The following FABP7 variants were observed in gnomAD, a reference collection of about 807,000 sequenced individuals.
FABP7 encodes fatty acid-binding protein, brain.
In FABP7, 13 loss-of-function variants were observed where a neutral mutation model predicts 14.2. The ratio of observed to expected loss-of-function variants is 0.91; its 90% CI spans 0.59 to 1.45. FABP7 has a LOEUF of 1.45. Among genes scored for constraint, FABP7 ranks in the 40% most tolerant of loss-of-function variants. FABP7 has a pLI of 0.00. For missense variants in FABP7, 149 were observed against 157.6 expected, an observed-to-expected ratio of 0.95 and a Z score of 0.29; for synonymous variants, 49 against 51.4, an observed-to-expected ratio of 0.95 and a Z score of 0.20.
chr6:122,753,805 G>A, the FABP7 span, among the ~76,000 whole-genome samples: 9 of 65,300 alleles, frequency 1.4e-4, no homozygotes, highest in African/African-American at 5.7e-4. Context: ...GCCCACAGAA[G>A]TTTTCCATTG....
the FABP7 span, among the ~76,000 whole-genome samples, chr6:122,751,502 C>T: frequency 6.6e-6 from 1 of 152,238 alleles, no homozygotes; most frequent in African/African-American, 2.4e-5. Context: ...CACATAGTTA[C>T]TACCACATCC....
At chr6:122,777,596 T>A (rs1275196544), upstream of FABP7, among the ~76,000 whole-genome samples, 2 of 152,254 alleles carry the variant, frequency 1.3e-5, no homozygotes, top group East Asian at 3.9e-4. Flanking sequence ...AGGCAAGAAT[T>A]AGGCCATTCA....
chr6:122,765,178 T>C, the FABP7 span, among the ~76,000 whole-genome samples: 6 of 152,272 alleles, frequency 3.9e-5, no homozygotes, highest in South Asian at 4.1e-4. Flanking sequence ...GAAAAGACTA[T>C]GGGCAATCAT....
chr6:122,766,752 T>C, the FABP7 span, among the ~76,000 whole-genome samples: 9 of 152,196 alleles, frequency 5.9e-5, no homozygotes, highest in East Asian at 1.9e-4. Context: ...ATACACAGTA[T>C]GGTAGCTTAT....
chr6:122,775,521 T>C (rs1780656829), upstream of FABP7, among the ~76,000 whole-genome samples: 1 of 152,040 alleles, frequency 6.6e-6, no homozygotes, highest in South Asian at 2.1e-4. Context: ...TTAAAATGAA[T>C]CATAGACTTA....
At chr6:122,758,084 T>G in the FABP7 span, among the ~76,000 whole-genome samples, 2 of 150,948 alleles carry the variant, frequency 1.3e-5, no homozygotes, top group African/African-American at 4.9e-5. Flanking sequence ...ATTAAGTAAA[T>G]TTGTGAATTA....
At chr6:122,770,241 T>C in the FABP7 span, among the ~76,000 whole-genome samples, 1 of 152,134 alleles carries the variant, frequency 6.6e-6, no homozygotes, top group Non-Finnish European at 1.5e-5. Context: ...GATTAAACTT[T>C]GGGGATCTTG....
the FABP7 span, among the ~76,000 whole-genome samples, chr6:122,762,675 T>C: frequency 5.3e-5 from 8 of 152,214 alleles, no homozygotes; most frequent in Admixed American, 3.9e-4. Flanking sequence ...CTTAAGCTGA[T>C]AAGCAACTTT....
At chr6:122,769,073 T>C in the FABP7 span, among the ~76,000 whole-genome samples, 1 of 152,118 alleles carries the variant, frequency 6.6e-6, no homozygotes. Context: ...CACATCTACC[T>C]GTCATAGTTC....
chr6:122,753,135 A>G, the FABP7 span, among the ~76,000 whole-genome samples: 1 of 152,166 alleles, frequency 6.6e-6, no homozygotes, highest in Non-Finnish European at 1.5e-5. Flanking sequence ...CTCTTCAAAA[A>G]CAAGATCTGT....
At chr6:122,767,431 T>C in the FABP7 span, among the ~76,000 whole-genome samples, 1 of 152,072 alleles carries the variant, frequency 6.6e-6, no homozygotes, top group Non-Finnish European at 1.5e-5. Context: ...TTCAGAGAAA[T>C]ATATTAAAAT....
intron 2 of FABP7, 129 bp downstream of exon 2, chr6:122,780,592 T>C: frequency 1.0e-6 from 1 of 999,512 alleles, no homozygotes; most frequent in Non-Finnish European, 1.5e-6. Context: ...CAAGGAGAAA[T>C]ACACCAAAGT....
At chr6:122,754,931 C>CT in the FABP7 span, among the ~76,000 whole-genome samples, 8 of 152,104 alleles carry the variant, frequency 5.3e-5, no homozygotes, top group Non-Finnish European at 1.2e-4. Context: ...ACTCACCAAC[C>CT]TTTCTACTGG....
At chr6:122,777,386 A>C (rs1051484715), upstream of FABP7, among the ~76,000 whole-genome samples, 2 of 152,122 alleles carry the variant, frequency 1.3e-5, no homozygotes, top group African/African-American at 2.4e-5. Flanking sequence ...CCTTTTGGCC[A>C]AGGGATGCCC....
chr6:122,755,914 A>C, the FABP7 span, among the ~76,000 whole-genome samples: 1 of 152,130 alleles, frequency 6.6e-6, no homozygotes, highest in Non-Finnish European at 1.5e-5. Flanking sequence ...TAAAGACATC[A>C]AGGAGGATGC....
chr6:122,779,135 A>T (rs189437259), upstream of FABP7, among the ~76,000 whole-genome samples: 1 of 152,114 alleles, frequency 6.6e-6, no homozygotes, highest in African/African-American at 2.4e-5. Context: ...CAAGCAGTAT[A>T]TCCAGGGAAG....
chr6:122,781,398 C>T, intron 3 of FABP7: 1 of 1,417,532 alleles, frequency 7.1e-7, no homozygotes. Context: ...AGCTCAACTT[C>T]TTTGATTGTA....
At chr6:122,773,762 CCTT>C in the FABP7 span, among the ~76,000 whole-genome samples, 1 of 152,150 alleles carries the variant, frequency 6.6e-6, no homozygotes, top group South Asian at 2.1e-4. Flanking sequence ...TTTATTAACA[CCTT>C]CTATTTTGTT....
At chr6:122,781,838 C>G (rs932566227) in intron 3 of FABP7, 1 of 490,906 alleles carries the variant, frequency 2.0e-6, no homozygotes, top group African/African-American at 2.2e-5. Flanking sequence ...GCTTCATGGG[C>G]TCAAGCGATT....
Sources: gnomAD v4.1 joint callset for allele counts (sites outside exome capture counted in the v4.1 genomes callset) on GRCh38, gnomAD v4.1.1 for gene constraint, MANE v1.5 for transcripts, NCBI Gene and HGNC (gene_info 2026-07-23, HGNC 2026-07-21) for gene names.